The following NALCN variants were observed in gnomAD, a reference collection of about 807,000 sequenced individuals.
The protein encoded by NALCN is sodium leak channel NALCN.
Under a neutral mutation model 225.3 loss-of-function variants are expected in NALCN, and 111 were observed. The observed-to-expected ratio is 0.49, with a 90% confidence interval of 0.42 to 0.58. The LOEUF (loss-of-function observed/expected upper bound fraction) is 0.58. Among genes scored for constraint, NALCN ranks in the 20% least tolerant of loss-of-function variants. NALCN has a pLI of 0.00. For missense variants in NALCN, 1,378 were observed against 2,202.4 expected (o/e 0.63, Z 7.49); for synonymous variants, 764 against 769.0 (o/e 0.99, Z 0.11).
chr13:101,407,811 G>A (rs533402026), intron 1 of NALCN, among the ~76,000 whole-genome samples: 3 of 152,252 alleles, frequency 2.0e-5, no homozygotes, highest in South Asian at 2.1e-4. Context: ...TCACAAACAC[G>A]AACTTCTGTA....
intron 15 of NALCN, among the ~76,000 whole-genome samples, chr13:101,167,429 G>A (rs2038491704): frequency 6.6e-6 from 1 of 152,152 alleles, no homozygotes; most frequent in South Asian, 2.1e-4. Context: ...CTGTAAAAGT[G>A]CATTTTTTAA....
At chr13:101,339,021 T>A (rs1208059997) in intron 7 of NALCN, among the ~76,000 whole-genome samples, 2 of 152,224 alleles carry the variant, frequency 1.3e-5, no homozygotes, top group Non-Finnish European at 2.9e-5. Flanking sequence ...TCATTTCCAG[T>A]GTTATTACAG....
chr13:101,381,335 C>T (rs4772372), intron 3 of NALCN, among the ~76,000 whole-genome samples: 43,406 of 151,940 alleles, frequency 0.29, 11,112 homozygotes, highest in African/African-American at 0.66. Context: ...TAACAAATAA[C>T]GTAAGGATTT....
At chr13:101,323,285 A>C (rs1267011007) in intron 7 of NALCN, among the ~76,000 whole-genome samples, 1 of 152,186 alleles carries the variant, frequency 6.6e-6, no homozygotes, top group Non-Finnish European at 1.5e-5. Context: ...AATAACTCAT[A>C]ATTACAGACC....
At chr13:101,297,920 A>T (rs4772365) in intron 7 of NALCN, among the ~76,000 whole-genome samples, 1 of 152,268 alleles carries the variant, frequency 6.6e-6, no homozygotes, top group East Asian at 1.9e-4. Flanking sequence ...CTGATCAGAC[A>T]TCACCCTTTT....
At chr13:101,171,067 G>A (rs1232082222) in intron 15 of NALCN, among the ~76,000 whole-genome samples, 3 of 152,014 alleles carry the variant, frequency 2.0e-5, no homozygotes, top group Non-Finnish European at 4.4e-5. Flanking sequence ...GAAGTTTTAG[G>A]TCAAGGGTTT....
chr13:101,179,645 CA>C (rs2139953670), intron 14 of NALCN, among the ~76,000 whole-genome samples: 1 of 152,250 alleles, frequency 6.6e-6, no homozygotes, highest in South Asian at 2.1e-4. Flanking sequence ...TGAGGCTGTA[CA>C]GGGGGTTTGG....
At chr13:101,314,736 C>G (rs1051351165) in intron 7 of NALCN, among the ~76,000 whole-genome samples, 1 of 152,138 alleles carries the variant, frequency 6.6e-6, no homozygotes, top group African/African-American at 2.4e-5. Flanking sequence ...TGTCAAAGAT[C>G]CTCCCACTAA....
In NALCN at chr13:101,104,532, G is replaced by T; in HGVS notation, c.2755C>A (p.Gln919Lys). ...GATTTTGCAGCGGTAAGCGGTACCTGCAAAGTAGGTGCATGCATGACTCTT... is the reference window on the plus strand; with the variant it reads ...GATTTTGCAGCGGTAAGCGGTACCTTCAAAGTAGGTGCATGCATGACTCTT... ...FRRVMHAPTL[Q>K]IAEYVFVIFM... Residue 919 changes from glutamine (Q) to lysine (K), a missense_variant and splice_region_variant, in exon 24 of 44, where the codon CAG (glutamine) becomes AAG (lysine). Coordinates refer to ENST00000251127, the MANE Select transcript of NALCN (RefSeq NM_052867.4). The surrounding 1 kb of genome is among the most constrained non-coding windows in gnomAD (Gnocchi z 4.2). 1 of 1,613,976 alleles carries T rather than the reference G, an allele frequency of 6.2e-7. No individual in the cohort carries two copies. The highest frequency in any genetic ancestry group is 8.5e-7 in the Non-Finnish European group (1 of 1,179,910).
intron 13 of NALCN, among the ~76,000 whole-genome samples, chr13:101,193,508 C>A (rs968811228): frequency 6.6e-5 from 10 of 152,124 alleles, no homozygotes; most frequent in Non-Finnish European, 1.5e-4. Context: ...TGTCCATGTG[C>A]AAAGTAATTA....
intron 20 of NALCN, 86 bp downstream of exon 20, chr13:101,110,533 A>G (rs1461591882): frequency 1.4e-6 from 2 of 1,404,808 alleles, no homozygotes; most frequent in South Asian, 1.2e-5. Context: ...AATGCAGCAG[A>G]AAGACACTGG....
chr13:101,349,650 C>T (rs755024118), intron 6 of NALCN, among the ~76,000 whole-genome samples: 3 of 152,158 alleles, frequency 2.0e-5, no homozygotes, highest in Non-Finnish European at 2.9e-5. Context: ...TTTCCATCTC[C>T]TCTAGTCGTG....
chr13:101,074,214 A>G (rs2033101758), intron 36 of NALCN, among the ~76,000 whole-genome samples: 1 of 152,208 alleles, frequency 6.6e-6, no homozygotes, highest in Admixed American at 6.5e-5. Flanking sequence ...CAATATGTAG[A>G]TAGAAAAAGT....
At chr13:101,212,196 T>G (rs1276669177) in intron 13 of NALCN, among the ~76,000 whole-genome samples, 1 of 152,110 alleles carries the variant, frequency 6.6e-6, no homozygotes, top group East Asian at 1.9e-4. Flanking sequence ...GACCCAAATC[T>G]CTACCTGTTG....
intron 35 of NALCN, 147 bp from the exon 36 acceptor site, chr13:101,074,809 A>G: frequency 8.4e-6 from 8 of 951,952 alleles, no homozygotes; most frequent in Non-Finnish European, 1.2e-5. Context: ...TTGGCTCAAA[A>G]TCACTCTTAG....
At chr13:101,148,485 A>G (rs986457709) in intron 15 of NALCN, among the ~76,000 whole-genome samples, 1 of 152,186 alleles carries the variant, frequency 6.6e-6, no homozygotes, top group Non-Finnish European at 1.5e-5. Flanking sequence ...CAAAGACCCA[A>G]TTTCCAAAGA....
chr13:101,157,893 T>TA (rs951928429), intron 15 of NALCN, among the ~76,000 whole-genome samples: 1 of 151,818 alleles, frequency 6.6e-6, no homozygotes, highest in African/African-American at 2.4e-5. Context: ...GCTGGGATTA[T>TA]AGGCAGGCGC....
intron 10 of NALCN, among the ~76,000 whole-genome samples, chr13:101,259,122 G>A (rs972899683): frequency 6.6e-6 from 1 of 151,958 alleles, no homozygotes; most frequent in Non-Finnish European, 1.5e-5. Flanking sequence ...TCTACCTGGA[G>A]TTTTTCTAGG....
chr13:101,060,293 T>A (rs2031780976), intron 41 of NALCN, among the ~76,000 whole-genome samples: 1 of 146,214 alleles, frequency 6.8e-6, no homozygotes, highest in Non-Finnish European at 1.5e-5. Flanking sequence ...TTTTTTTTTT[T>A]TAGATAGGAT....
Sources: gnomAD v4.1 joint callset for allele counts (sites outside exome capture counted in the v4.1 genomes callset) on GRCh38, gnomAD v4.1.1 for gene constraint, Gnocchi (gnomAD v3.1) non-coding constraint, MANE v1.5 for transcripts, NCBI Gene and HGNC (gene_info 2026-07-23, HGNC 2026-07-21) for gene names.